NPAS3: variants seen among roughly 807,000 people sequenced by gnomAD.
NPAS3 encodes the protein neuronal PAS domain-containing protein 3.
In NPAS3, 14 loss-of-function variants were observed where a neutral mutation model predicts 73.1. The ratio of observed to expected loss-of-function variants is 0.19; its 90% CI spans 0.13 to 0.30. The LOEUF (loss-of-function observed/expected upper bound fraction) is 0.30. NPAS3 is among the 10% of genes least tolerant of loss of function. The pLI, the probability that NPAS3 is intolerant of heterozygous loss-of-function variation, is 1.00. For missense variants in NPAS3, 1,096 were observed against 1,250.0 expected (o/e 0.88, Z 1.86); for synonymous variants, 620 against 541.5 (o/e 1.14, Z -2.01).
At chr14:33,423,196 C>T (rs1275673789) in intron 4 of NPAS3, among the ~76,000 whole-genome samples, 1 of 152,036 alleles carries the variant, frequency 6.6e-6, no homozygotes, top group Non-Finnish European at 1.5e-5. Context: ...TACAATTTCA[C>T]ACCTATGTAG....
intron 2 of NPAS3, among the ~76,000 whole-genome samples, chr14:33,061,894 GGGAGCCCAA>G (rs1454832994): frequency 6.6e-6 from 1 of 152,190 alleles, no homozygotes; most frequent in African/African-American, 2.4e-5. Context: ...TAATAGTGCA[GGGAGCCCAA>G]GGTCTTCATG....
chr14:33,249,845 C>T (rs2048516515), intron 3 of NPAS3, among the ~76,000 whole-genome samples: 1 of 151,980 alleles, frequency 6.6e-6, no homozygotes. Context: ...ATGCTTACTA[C>T]ACTGGGTAAC....
chr14:33,113,342 G>C (rs199539200), intron 2 of NPAS3, among the ~76,000 whole-genome samples: 5 of 151,972 alleles, frequency 3.3e-5, no homozygotes, highest in East Asian at 1.9e-4. Flanking sequence ...CTTTTATTTC[G>C]TTGAGCAGTG....
At chr14:33,571,364 G>C (rs1000577388) in intron 5 of NPAS3, among the ~76,000 whole-genome samples, 39 of 152,140 alleles carry the variant, frequency 2.6e-4, no homozygotes, top group African/African-American at 8.7e-4. Context: ...GTAAGCACTG[G>C]GGTAGGGCTC....
At chr14:33,558,848 C>CTT (rs35496683) in intron 4 of NPAS3, among the ~76,000 whole-genome samples, 14,965 of 143,182 alleles carry the variant, frequency 0.1, 834 homozygotes, top group Non-Finnish European at 0.12. Flanking sequence ...AATTCACGGC[C>CTT]TTTTTTTTTT....
intron 3 of NPAS3, among the ~76,000 whole-genome samples, chr14:33,351,051 G>A (rs1232072219): frequency 6.6e-6 from 1 of 152,172 alleles, no homozygotes; most frequent in African/African-American, 2.4e-5. Context: ...ATACAAGCTT[G>A]CCAAGCTCAG....
At chr14:33,268,315 A>ACTC (rs1189554051) in intron 3 of NPAS3, among the ~76,000 whole-genome samples, 2 of 151,724 alleles carry the variant, frequency 1.3e-5, no homozygotes, top group Admixed American at 6.6e-5. Context: ...AGACTTTTTG[A>ACTC]CTCCTTCCTG....
At chr14:33,265,558 G>T (rs1307630429) in intron 3 of NPAS3, among the ~76,000 whole-genome samples, 1 of 151,778 alleles carries the variant, frequency 6.6e-6, no homozygotes, top group African/African-American at 2.4e-5. Context: ...GATAAATTAG[G>T]CTCTGTCTTA....
downstream of NPAS3, chr14:33,801,447 G>C: frequency 3.0e-6 from 1 of 328,284 alleles, no homozygotes; most frequent in Non-Finnish European, 5.7e-6. Flanking sequence ...TTGTGGTCAA[G>C]AGAGTTCTCA....
chr14:33,230,739 T>C (rs188907393), intron 3 of NPAS3, among the ~76,000 whole-genome samples: 1,999 of 152,284 alleles, frequency 0.013, 19 homozygotes, highest in Middle Eastern at 0.044. Context: ...GTTGGGACTT[T>C]TGTTATTCTT....
At chr14:33,213,311 C>G (rs7161508) in intron 2 of NPAS3, among the ~76,000 whole-genome samples, 12,550 of 152,238 alleles carry the variant, frequency 0.082, 719 homozygotes, top group Non-Finnish European at 0.13. Flanking sequence ...GAATAAAGCA[C>G]TGAACTTGAA....
chr14:33,795,312 T>A (rs2063480226), intron 10 of NPAS3, among the ~76,000 whole-genome samples: 1 of 152,190 alleles, frequency 6.6e-6, no homozygotes, highest in African/African-American at 2.4e-5. Flanking sequence ...GGTAAAAGTA[T>A]GTGTATTGAG....
At chr14:33,119,520 T>C (rs1181117372) in intron 2 of NPAS3, among the ~76,000 whole-genome samples, 1 of 152,128 alleles carries the variant, frequency 6.6e-6, no homozygotes, top group Non-Finnish European at 1.5e-5. Context: ...TGCTTTTGTT[T>C]AGTCTTGATT....
At chr14:33,246,282 C>G (rs377216642) in intron 3 of NPAS3, among the ~76,000 whole-genome samples, 129 of 152,124 alleles carry the variant, frequency 8.5e-4, no homozygotes, top group African/African-American at 2.9e-3. Flanking sequence ...GCTCACGCCT[C>G]TAATCCCAGC....
chr14:33,336,530 T>A (rs2044235156), intron 3 of NPAS3, among the ~76,000 whole-genome samples: 2 of 152,196 alleles, frequency 1.3e-5, no homozygotes, highest in African/African-American at 4.8e-5. Flanking sequence ...TCCTTCTCAC[T>A]TTTATTCTCT....
intron 2 of NPAS3, among the ~76,000 whole-genome samples, chr14:33,107,985 T>C (rs2042774084): frequency 6.6e-6 from 1 of 152,156 alleles, no homozygotes; most frequent in African/African-American, 2.4e-5. Flanking sequence ...TTTTAAAACT[T>C]ACCTGCAATG....
In NPAS3 at chr14:33,689,605, C is replaced by T. The variant is rs537526164; in HGVS notation, c.733+13220C>T. Among the ~76,000 whole-genome samples, 25 of 152,242 alleles carry T rather than the reference C, an allele frequency of 1.6e-4. No individual in the cohort carries two copies. The South Asian group carries it at 2.5e-3, about 15-fold the overall frequency. On this transcript the variant is annotated intron_variant, in intron 6 of 11. Coordinates refer to ENST00000356141, the Ensembl canonical transcript of NPAS3. The stretch of plus-strand genomic sequence containing the variant: ...AGATATGCTTCTGAAAAAACACAGA[C>T]GCACAGACATACCCACAGATACACA...
chr14:33,269,741 C>T (rs243306), intron 3 of NPAS3, among the ~76,000 whole-genome samples: 24,975 of 151,352 alleles, frequency 0.17, 2,182 homozygotes, highest in East Asian at 0.26. Flanking sequence ...AAGCTTTATT[C>T]GTATTTTCAT....
At chr14:32,994,031 G>A (rs1303599543) in intron 1 of NPAS3, among the ~76,000 whole-genome samples, 1 of 152,154 alleles carries the variant, frequency 6.6e-6, no homozygotes, top group Non-Finnish European at 1.5e-5. Flanking sequence ...CTGCCCCAGG[G>A]AAAGGGAACC....
Sources: allele counts gnomAD v4.1 joint callset (sites outside exome capture counted in the v4.1 genomes callset), GRCh38; gene constraint gnomAD v4.1.1; transcripts MANE v1.5; gene names NCBI Gene and HGNC (gene_info 2026-07-23, HGNC 2026-07-21).